The following DMD variants were observed in gnomAD, a reference collection of about 807,000 sequenced individuals.
DMD encodes mutant dystrophin.
Under a neutral mutation model 330.1 loss-of-function variants are expected in DMD, and 63 were observed. That is an observed-to-expected ratio of 0.19 (90% CI 0.16 to 0.24). The LOEUF is 0.24. Among genes scored for constraint, DMD ranks in the 10% least tolerant of loss-of-function variants. DMD has a pLI of 1.00. For synonymous variants in DMD, 1,223 were observed against 959.8 expected (o/e 1.27, Z -5.07); for missense variants, 3,344 against 2,684.1 (o/e 1.25, Z -5.43).
At chrX:32,708,016 G>C (rs1249798229) in intron 7 of DMD, among the ~76,000 whole-genome samples, 1 of 111,900 alleles carries the variant, frequency 8.9e-6, no homozygotes. Flanking sequence ...AGTATAGTCA[G>C]TTTCAGAAGT....
intron 1 of DMD, among the ~76,000 whole-genome samples, chrX:33,307,115 C>T (rs1055593891): frequency 2.7e-5 from 3 of 110,386 alleles, no homozygotes; most frequent in African/African-American, 9.9e-5. Flanking sequence ...CCAGCAGTGG[C>T]CAAAAATAAA....
At chrX:32,204,845 A>G (rs775316608) in intron 44 of DMD, among the ~76,000 whole-genome samples, 22 of 108,320 alleles carry the variant, frequency 2.0e-4, no homozygotes, top group African/African-American at 6.8e-4. Context: ...TATAGCATGA[A>G]CTAACTTGTC....
intron 44 of DMD, among the ~76,000 whole-genome samples, chrX:32,084,366 TC>T (rs2096415514): frequency 9.0e-6 from 1 of 111,123 alleles, no homozygotes; most frequent in South Asian, 3.8e-4. Flanking sequence ...CAGAGCTGCA[TC>T]TCATTCACCT....
At chrX:32,213,611 A>G (rs1481702716) in intron 44 of DMD, among the ~76,000 whole-genome samples, 1 of 111,974 alleles carries the variant, frequency 8.9e-6, no homozygotes, top group Non-Finnish European at 1.9e-5. Flanking sequence ...TTCCTTGGAC[A>G]TCTAGAATGA....
At chrX:32,135,446 C>G (rs1452255837) in intron 44 of DMD, among the ~76,000 whole-genome samples, 1 of 112,575 alleles carries the variant, frequency 8.9e-6, no homozygotes, top group Non-Finnish European at 1.9e-5. Flanking sequence ...TGGTGGTTCA[C>G]AGGGGTGAGT....
At chrX:32,923,287 G>A (rs1039097548) in intron 2 of DMD, among the ~76,000 whole-genome samples, 2 of 111,613 alleles carry the variant, frequency 1.8e-5, no homozygotes, top group South Asian at 3.8e-4. Context: ...AGGGTGGGGC[G>A]CAGTGGCTCA....
chrX:31,496,779 A>G lies in DMD; in HGVS notation c.8547+9T>C. On this transcript the variant is annotated intron_variant, in intron 57 of 78. Transcript: ENST00000357033. ...CATGTGCAAGGCACGAGGCTTAAAA[A>G]TGTCCTACCCTATGTACATCGTTCT... 1.6e-6 allele frequency: 2 copies of G among 1,212,183 alleles called. No homozygotes were observed. Among genetic ancestry groups the G allele is most frequent in the Non-Finnish European group, 2.2e-6 (2 of 895,491 alleles).
intron 2 of DMD, among the ~76,000 whole-genome samples, chrX:32,891,565 C>A (rs752030325): frequency 3.6e-5 from 4 of 111,572 alleles, no homozygotes; most frequent in Admixed American, 2.9e-4. Flanking sequence ...CGATGTAGGA[C>A]AAATGAGAAA....
intron 4 of DMD, among the ~76,000 whole-genome samples, chrX:32,839,747 CTG>C (rs1250571274): frequency 9.3e-6 from 1 of 107,935 alleles, no homozygotes; most frequent in Non-Finnish European, 1.9e-5. Context: ...TTTTTTCACT[CTG>C]TGGCCAGGCT....
At chrX:33,296,674 T>C (rs1391306774) in intron 1 of DMD, among the ~76,000 whole-genome samples, 2 of 110,941 alleles carry the variant, frequency 1.8e-5, no homozygotes, top group South Asian at 3.7e-4. Flanking sequence ...ATAGCTACGT[T>C]ATGAAGCTAG....
chrX:32,754,138 G>A (rs1225541418), intron 7 of DMD, among the ~76,000 whole-genome samples: 1 of 110,349 alleles, frequency 9.1e-6, no homozygotes, highest in Non-Finnish European at 1.9e-5. Context: ...TAGAGTTGCT[G>A]GTCACTTAAT....
At chrX:32,286,777 G>A (rs2097443422) in intron 43 of DMD, among the ~76,000 whole-genome samples, 1 of 111,556 alleles carries the variant, frequency 9.0e-6, no homozygotes, top group African/African-American at 3.3e-5. Flanking sequence ...GAGATACCAT[G>A]GAGGTTCCCT....
chrX:32,072,165 C>G (rs1000907078), intron 44 of DMD, among the ~76,000 whole-genome samples: 1 of 111,205 alleles, frequency 9.0e-6, no homozygotes, highest in Non-Finnish European at 1.9e-5. Context: ...TTGTAAAGAA[C>G]TCTGTATCTT....
At chrX:32,409,274 G>A (rs967677993) in intron 30 of DMD, among the ~76,000 whole-genome samples, 9 of 111,566 alleles carry the variant, frequency 8.1e-5, no homozygotes, top group African/African-American at 2.9e-4. Context: ...TGATAATGCA[G>A]GTGTGACCTG....
chrX:31,495,436 A>G (rs2069741514), intron 57 of DMD, among the ~76,000 whole-genome samples: 1 of 111,554 alleles, frequency 9.0e-6, no homozygotes, highest in Non-Finnish European at 1.9e-5. Flanking sequence ...TCCACTCTAC[A>G]CCAGACACTT....
In DMD at chrX:32,826,296, A is replaced by C. The variant is rs1238365790; in HGVS notation, c.265-2909T>G. On this transcript the variant is annotated intron_variant, in intron 4 of 78. Transcript: ENST00000357033. ...TATGGAGGTTTCTCAAAAAATTACAAATAAAACTACCATATAATTCAGGAA... is the reference window on the plus strand; with the variant it reads ...TATGGAGGTTTCTCAAAAAATTACACATAAAACTACCATATAATTCAGGAA... Among the ~76,000 whole-genome samples, 3 of 112,065 alleles carry C rather than the reference A, an allele frequency of 2.7e-5. No homozygotes were observed. In the East Asian group the frequency reaches 8.4e-4, roughly 31 times the overall value.
In DMD at chrX:32,607,093, G is replaced by A. The variant is rs368413128; in HGVS notation, c.1482+7210C>T. On this transcript the variant is annotated intron_variant, in intron 12 of 78. Coordinates refer to ENST00000357033, the MANE Select transcript of DMD (RefSeq NM_004006.3). Reference sequence around the variant, plus strand: ...AAAATCCCAGACTCCACCACTACACGATATATCCATGTAACAAACCTGCAC... The same window carrying A: ...AAAATCCCAGACTCCACCACTACACAATATATCCATGTAACAAACCTGCAC... 9.3e-4 allele frequency among the ~76,000 whole-genome samples: 102 copies of A among 109,717 alleles called. 2 individuals are homozygous for A. Among genetic ancestry groups the A allele is most frequent in the Middle Eastern group, 4.7e-3 (1 of 215 alleles).
chrX:31,572,222 C>T, intron 55 of DMD, among the ~76,000 whole-genome samples: 1 of 112,259 alleles, frequency 8.9e-6, no homozygotes, highest in East Asian at 2.8e-4. Context: ...CCTATCATTG[C>T]ATAAGGCAAT....
chrX:32,601,060 C>A (rs1393659762), intron 12 of DMD, among the ~76,000 whole-genome samples: 2 of 110,928 alleles, frequency 1.8e-5, no homozygotes, highest in South Asian at 3.7e-4. Flanking sequence ...TTTTTTCACT[C>A]TTTTCCTCTA....
Sources: allele counts gnomAD v4.1 joint callset (sites outside exome capture counted in the v4.1 genomes callset), GRCh38; gene constraint gnomAD v4.1.1; transcripts MANE v1.5; gene names NCBI Gene and HGNC (gene_info 2026-07-23, HGNC 2026-07-21).